Variants in EXOC4 observed in about 807,000 individuals in gnomAD.
The protein encoded by EXOC4 is exocyst complex component 4.
Under a neutral mutation model 107.2 loss-of-function variants are expected in EXOC4, and 71 were observed. That is an observed-to-expected ratio of 0.66 (90% CI 0.55 to 0.81). The LOEUF is 0.81. Ranked by LOEUF, EXOC4 falls within the 30% of genes least tolerant of loss-of-function variation. The pLI, the probability that EXOC4 is intolerant of heterozygous loss-of-function variation, is 0.00. For synonymous variants in EXOC4, 456 were observed against 441.2 expected (o/e 1.03, Z -0.42); for missense variants, 1,108 against 1,189.6 (o/e 0.93, Z 1.01).
At chr7:133,562,634 C>T (rs1302493253) in intron 9 of EXOC4, among the ~76,000 whole-genome samples, 1 of 152,164 alleles carries the variant, frequency 6.6e-6, no homozygotes, top group Non-Finnish European at 1.5e-5. Flanking sequence ...TTCAGATAAG[C>T]ACAGCTGAAA....
chr7:133,531,475 A>G (rs1238834924), intron 9 of EXOC4, among the ~76,000 whole-genome samples: 4 of 152,160 alleles, frequency 2.6e-5, no homozygotes, highest in Non-Finnish European at 5.9e-5. Flanking sequence ...AAATTTTGAC[A>G]AGTAGGTGAA....
chr7:133,581,460 T>C (rs1181629606), intron 9 of EXOC4, among the ~76,000 whole-genome samples: 1 of 152,140 alleles, frequency 6.6e-6, no homozygotes, highest in Non-Finnish European at 1.5e-5. Context: ...TTCACAGTGC[T>C]ATAAAGAATG....
intron 10 of EXOC4, among the ~76,000 whole-genome samples, chr7:133,685,867 C>T (rs1035338665): frequency 6.6e-6 from 1 of 152,098 alleles, no homozygotes; most frequent in African/African-American, 2.4e-5. Context: ...ATTTCTCATC[C>T]CTCACCTGCC....
At chr7:133,953,284 G>A (rs1800735090) in intron 14 of EXOC4, among the ~76,000 whole-genome samples, 1 of 152,004 alleles carries the variant, frequency 6.6e-6, no homozygotes, top group Non-Finnish European at 1.5e-5. Context: ...AGCACCTCTT[G>A]AAATAGAAAA....
chr7:133,412,282 T>TTTG (rs1219475373), intron 7 of EXOC4, among the ~76,000 whole-genome samples: 1 of 143,974 alleles, frequency 6.9e-6, no homozygotes, highest in African/African-American at 2.6e-5. Context: ...AATTCAGTTT[T>TTTG]TTTTTTTTTT....
chr7:133,761,702 C>T (rs572300743), intron 10 of EXOC4, among the ~76,000 whole-genome samples: 3 of 152,274 alleles, frequency 2.0e-5, no homozygotes, highest in Admixed American at 6.5e-5. Context: ...TTTCAATGTG[C>T]GGTCAAGTTG....
intron 11 of EXOC4, among the ~76,000 whole-genome samples, chr7:133,837,926 G>A (rs1410450248): frequency 6.6e-6 from 1 of 152,150 alleles, no homozygotes. Flanking sequence ...AGGAAATGCT[G>A]TTCATCTCTG....
intron 9 of EXOC4, among the ~76,000 whole-genome samples, chr7:133,555,155 C>G (rs1336026590): frequency 1.3e-5 from 2 of 151,282 alleles, no homozygotes; most frequent in Non-Finnish European, 2.9e-5. Flanking sequence ...TTGTATAGAC[C>G]AAGACATCTA....
At chr7:133,416,866 C>G (rs1047194389) in intron 7 of EXOC4, among the ~76,000 whole-genome samples, 1 of 152,020 alleles carries the variant, frequency 6.6e-6, no homozygotes, top group African/African-American at 2.4e-5. Flanking sequence ...CGGTGAGTGC[C>G]CTCCTGTTGG....
chr7:133,654,125 G>C (rs375113135), intron 10 of EXOC4, among the ~76,000 whole-genome samples: 1 of 152,080 alleles, frequency 6.6e-6, no homozygotes, highest in African/African-American at 2.4e-5. Flanking sequence ...TTACAGCACC[G>C]GTTCTATGCA....
At chr7:133,773,464 T>A (rs867397820) in intron 10 of EXOC4, among the ~76,000 whole-genome samples, 4 of 149,294 alleles carry the variant, frequency 2.7e-5, no homozygotes, top group African/African-American at 9.9e-5. Flanking sequence ...TTACTAGGTT[T>A]TTATTATTAT....
intron 10 of EXOC4, among the ~76,000 whole-genome samples, chr7:133,794,029 T>C (rs139660342): frequency 2.8e-4 from 42 of 152,258 alleles, no homozygotes; most frequent in African/African-American, 1.0e-3. Flanking sequence ...TTACATTTGC[T>C]AGGTCTTTCC....
rs188993098 is a variant in EXOC4, at chr7:133,525,584, C to T, written c.1417+45446C>T. On this transcript the variant is annotated intron_variant, in intron 9 of 17. Transcript: ENST00000253861. Reference sequence around the variant, plus strand: ...CCCCTTTTGACCTGTCAGGATAATGCTGTTTACTGTGTTAATGAATGCAAA... The same window carrying T: ...CCCCTTTTGACCTGTCAGGATAATGTTGTTTACTGTGTTAATGAATGCAAA... 3.9e-5 allele frequency among the ~76,000 whole-genome samples: 6 copies of T among 152,172 alleles called. No individual in the cohort carries two copies. The East Asian group carries it at 7.7e-4, about 20-fold the overall frequency.
Position 133,750,820 on chromosome 7 carries a change from G to C in EXOC4, c.1515-66505G>C, listed in dbSNP as rs78269908. On this transcript the variant is annotated intron_variant, in intron 10 of 17. Coordinates refer to ENST00000253861, the MANE Select transcript of EXOC4 (RefSeq NM_021807.4). ...GGTCTCAAACTCTTGGGCTCAAGCT[G>C]TCTTCTTACCTTGTCCTCCCAAAGT... Among the ~76,000 whole-genome samples, 152 of 152,196 alleles carry C rather than the reference G, an allele frequency of 1.0e-3. No individual in the cohort carries two copies. In the East Asian group the frequency reaches 0.011, roughly 11 times the overall value.
chr7:133,268,083 A>G (rs1340650785), intron 1 of EXOC4, among the ~76,000 whole-genome samples: 1 of 152,194 alleles, frequency 6.6e-6, no homozygotes. Context: ...TTATATTTTC[A>G]AAGCACATTC....
chr7:133,942,241 A>G lies in EXOC4; in HGVS notation c.2206+4172A>G, dbSNP rs563731551. On this transcript the variant is annotated intron_variant, in intron 14 of 17. Coordinates refer to ENST00000253861, the MANE Select transcript of EXOC4 (RefSeq NM_021807.4). The stretch of plus-strand genomic sequence containing the variant: ...GAGATTCTACAACCTCCTTGATTAT[A>G]TATTCTACTCCATACCATCTAGGAA... Among the ~76,000 whole-genome samples, 25 of 151,678 alleles carry G rather than the reference A, an allele frequency of 1.6e-4. No individual in the cohort carries two copies. In the South Asian group the frequency reaches 4.6e-3, roughly 28 times the overall value.
rs140928077 is a variant in EXOC4, at chr7:133,917,771, A to G, written c.2027+33A>G. 3.1e-4 allele frequency: 499 copies of G among 1,596,768 alleles called. 2 individuals are homozygous for G. In the East Asian group the frequency reaches 1.0e-2, roughly 32 times the overall value. ...GTCCATTTTCTAAGTTGTCCTAAACATAGGGAGGAAGCACATCTGTTTAGC... is the reference window on the plus strand; with the variant it reads ...GTCCATTTTCTAAGTTGTCCTAAACGTAGGGAGGAAGCACATCTGTTTAGC... On this transcript the variant is annotated intron_variant, in intron 13 of 17. Transcript: ENST00000253861.
At chr7:133,932,344 A>G (rs993288290) in intron 13 of EXOC4, among the ~76,000 whole-genome samples, 7 of 152,234 alleles carry the variant, frequency 4.6e-5, no homozygotes, top group African/African-American at 1.4e-4. Flanking sequence ...TATTTTGGAC[A>G]GGAGTAGGAG....
At chr7:133,535,697 A>G (rs559289373) in intron 9 of EXOC4, among the ~76,000 whole-genome samples, 1 of 152,274 alleles carries the variant, frequency 6.6e-6, no homozygotes, top group African/African-American at 2.4e-5. Context: ...TTTCTACCTT[A>G]TACGTTTTAA....
Sources: gnomAD v4.1 joint callset for allele counts (sites outside exome capture counted in the v4.1 genomes callset) on GRCh38, gnomAD v4.1.1 for gene constraint, MANE v1.5 for transcripts, NCBI Gene and HGNC (gene_info 2026-07-23, HGNC 2026-07-21) for gene names.